OSBPL3: variants seen among roughly 807,000 people sequenced by gnomAD.
OSBPL3 encodes the protein oxysterol binding protein like 3, also known as oxysterol-binding protein-related protein 3.
In OSBPL3, 65 loss-of-function variants were observed where a neutral mutation model predicts 120.1. The observed-to-expected ratio is 0.54, with a 90% CI of 0.44 to 0.67. The LOEUF is 0.67. Among genes scored for constraint, OSBPL3 ranks in the 30% least tolerant of loss-of-function variants. The probability of loss-of-function intolerance (pLI) is 0.00; values close to 1 mark genes in which losing one functional copy is unlikely to be tolerated. For synonymous variants in OSBPL3, 416 were observed against 402.6 expected (o/e 1.03, Z -0.40); for missense variants, 1,004 against 1,082.1 (o/e 0.93, Z 1.01).
At position 24,834,903 on chromosome 7, in the gene OSBPL3, T is replaced by A. The variant is rs537830895; in HGVS notation, c.1496-167A>T. Among the ~76,000 whole-genome samples, 1 of 152,314 alleles carries A rather than the reference T, an allele frequency of 6.6e-6. No individual in the cohort carries two copies. The highest frequency in any genetic ancestry group is 1.5e-5 in the Non-Finnish European group (1 of 68,016). On this transcript the variant is annotated intron_variant, in intron 14 of 22. Transcript: ENST00000313367. This position sits in a 1 kb window ranked among gnomAD's most constrained non-coding sequence, Gnocchi z 5.2. ...AACCGGCAAAAGAATTCTGAGCAATTAAATACCAAAAATGACACACACTAA... is the reference window on the plus strand; with the variant it reads ...AACCGGCAAAAGAATTCTGAGCAATAAAATACCAAAAATGACACACACTAA...
Position 24,806,419 on chromosome 7 carries a change from G to C in OSBPL3, c.2444+357C>G, listed in dbSNP as rs905438917. On this transcript the variant is annotated intron_variant, in intron 21 of 22. Coordinates refer to ENST00000313367, the MANE Select transcript of OSBPL3 (RefSeq NM_015550.4). The surrounding 1 kb of genome is among the most constrained non-coding windows in gnomAD (Gnocchi z 5.2). ...AGCAGCAACCTAGAATCAGCAGTTA[G>C]ATCTCAGTGCACCAAAATCATTTAA... 1.3e-5 allele frequency among the ~76,000 whole-genome samples: 2 copies of C among 152,162 alleles called. No individual in the cohort carries two copies. The highest frequency in any genetic ancestry group is 4.8e-5 in the African/African-American group (2 of 41,420).
rs980199956 is a variant in OSBPL3 at position 24,918,947 on chromosome 7, A to G, written c.-149-26326T>C. 6.6e-6 allele frequency among the ~76,000 whole-genome samples: 1 copy of G among 152,216 alleles called. No individual in the cohort carries two copies. The highest frequency in any genetic ancestry group is 2.4e-5 in the African/African-American group (1 of 41,452). On this transcript the variant is annotated intron_variant, in intron 1 of 22. Coordinates refer to ENST00000313367, the MANE Select transcript of OSBPL3 (RefSeq NM_015550.4). The surrounding 1 kb of genome is among the most constrained non-coding windows in gnomAD (Gnocchi z 4.3). ...CAGGTACAATGCTAGATGCTCTTAC[A>G]TACGTCACATTATTTAATTCCCCGA...
intron 1 of OSBPL3, among the ~76,000 whole-genome samples, chr7:24,895,310 C>G (rs181358221): frequency 6.6e-6 from 1 of 152,254 alleles, no homozygotes; most frequent in East Asian, 1.9e-4. Context: ...TACACAAGTC[C>G]TTACATTGTG....
chr7:24,919,292 CTAGCA>C (rs1810092406), intron 1 of OSBPL3, among the ~76,000 whole-genome samples: 1 of 152,062 alleles, frequency 6.6e-6, no homozygotes, highest in South Asian at 2.1e-4. Flanking sequence ...ACAACGTGTC[CTAGCA>C]TAAAGACAGA....
rs1181414718 is a variant in OSBPL3, at chr7:24,881,137, A to C, written c.97-9068T>G. On this transcript the variant is annotated intron_variant, in intron 2 of 22. Coordinates refer to ENST00000313367, the MANE Select transcript of OSBPL3 (RefSeq NM_015550.4). This position sits in a 1 kb window ranked among gnomAD's most constrained non-coding sequence, Gnocchi z 4.3. The stretch of plus-strand genomic sequence containing the variant: ...TTTTTCAGAGCTAATTGAAATTTGC[A>C]ATCAAAGCAGAGATACATTCTGACT... Among the ~76,000 whole-genome samples the C allele has an allele frequency of 6.6e-6, 1 of 152,242 alleles. No homozygotes were observed. The highest frequency in any genetic ancestry group is 1.5e-5 in the Non-Finnish European group (1 of 68,044).
intron 19 of OSBPL3, among the ~76,000 whole-genome samples, chr7:24,814,618 T>C (rs1191221063): frequency 2.6e-5 from 4 of 152,196 alleles, no homozygotes; most frequent in African/African-American, 7.2e-5. Context: ...ACTGAAGTTC[T>C]ATACCCATTC....
rs114940262 is a variant in OSBPL3 at position 24,976,983 on chromosome 7, C to T, written c.-150+2903G>A. Reference sequence around the variant, plus strand: ...CCCAACTTCTCACCCTCAGTGTCAGCGTAAGAGTAGAGAGTTGAAATGTAG... The same window carrying T: ...CCCAACTTCTCACCCTCAGTGTCAGTGTAAGAGTAGAGAGTTGAAATGTAG... On this transcript the variant is annotated intron_variant, in intron 1 of 22. Coordinates refer to ENST00000313367, the MANE Select transcript of OSBPL3 (RefSeq NM_015550.4). Among the ~76,000 whole-genome samples the T allele has an allele frequency of 5.2e-3, 790 of 152,238 alleles. 8 individuals carry two copies. The highest frequency in any genetic ancestry group is 0.018 in the African/African-American group (748 of 41,526).
intron 14 of OSBPL3, among the ~76,000 whole-genome samples, chr7:24,839,696 AGGGATATCT>A (rs924215182): frequency 6.6e-6 from 1 of 152,154 alleles, no homozygotes. Context: ...AGAGTGCAAA[AGGGATATCT>A]GGCCCAGGCA....
chr7:24,829,172 T>C (rs952701151), intron 16 of OSBPL3, among the ~76,000 whole-genome samples: 1 of 152,224 alleles, frequency 6.6e-6, no homozygotes, highest in Non-Finnish European at 1.5e-5. Context: ...ATTTTTGGCC[T>C]TTATTTTTTC....
chr7:24,917,032 A>G (rs1480377661), intron 1 of OSBPL3, among the ~76,000 whole-genome samples: 1 of 152,100 alleles, frequency 6.6e-6, no homozygotes, highest in Non-Finnish European at 1.5e-5. Flanking sequence ...AATTCCCAGG[A>G]GTAGAGGGGG....
At position 24,818,910 on chromosome 7, in the gene OSBPL3, A is replaced by G. The variant is rs949563873; in HGVS notation, c.1948+1265T>C. ...GCTAAGGCTGAGAAGGGAAGGATGT[A>G]ACACAGGAGCACACAAAACTACTTT... On this transcript the variant is annotated intron_variant, in intron 17 of 22. Coordinates refer to ENST00000313367, the MANE Select transcript of OSBPL3 (RefSeq NM_015550.4). This position sits in a 1 kb window ranked among gnomAD's most constrained non-coding sequence, Gnocchi z 4.0. Among the ~76,000 whole-genome samples the G allele has an allele frequency of 3.3e-5, 5 of 152,156 alleles. No homozygotes were observed. Among genetic ancestry groups the G allele is most frequent in the Admixed American group, 2.6e-4 (4 of 15,276 alleles).
intron 2 of OSBPL3, among the ~76,000 whole-genome samples, chr7:24,889,639 A>G (rs1165810328): frequency 2.0e-5 from 3 of 152,224 alleles, no homozygotes; most frequent in Non-Finnish European, 4.4e-5. Flanking sequence ...AAGATTAAGT[A>G]TCTCCATGGA....
chr7:24,902,601 A>C (rs1807202109), intron 1 of OSBPL3, among the ~76,000 whole-genome samples: 1 of 151,190 alleles, frequency 6.6e-6, no homozygotes, highest in South Asian at 2.1e-4. Context: ...TTTTAGTTTT[A>C]CTAGATATTC....
At chr7:24,876,421 GT>G (rs11307992) in intron 2 of OSBPL3, among the ~76,000 whole-genome samples, 84,756 of 148,258 alleles carry the variant, frequency 0.57, 24,464 homozygotes, top group East Asian at 0.92. Flanking sequence ...AACTTCTAAG[GT>G]TTTTTTTTTT....
chr7:24,866,299 T>G, intron 5 of OSBPL3, 62 bp from the exon 6 acceptor site: 1 of 1,234,978 alleles, frequency 8.1e-7, no homozygotes, highest in Non-Finnish European at 1.2e-6. Flanking sequence ...GAACAATTAC[T>G]CATCAAATTG....
rs1305352348 is a variant in OSBPL3, at chr7:24,861,713, T to C, written c.927A>G (p.Ser309=). 28 of 1,612,296 alleles carry C rather than the reference T, an allele frequency of 1.7e-5. No individual in the cohort carries two copies. Among genetic ancestry groups the C allele is most frequent in the Non-Finnish European group, 2.3e-5 (27 of 1,178,836 alleles). The stretch of plus-strand genomic sequence containing the variant: ...TTTTCTCTTCTCCAAAATCTAGTGT[T>C]GACAAATTAGGATTGGAGGAGTGTA... ...VRLHSSNPNL[S]TLDFGEEKNY... The change falls in exon 10 of 23, where the codon TCA becomes TCG. Residue 309 remains serine, a synonymous_variant. Transcript: ENST00000313367.
intron 12 of OSBPL3, among the ~76,000 whole-genome samples, chr7:24,845,787 T>A (rs536756602): frequency 1.3e-5 from 2 of 152,334 alleles, no homozygotes; most frequent in South Asian, 4.1e-4. Flanking sequence ...AGTTTGAATT[T>A]TTATATTTAA....
At chr7:24,845,699 A>AT (rs570606304) in intron 12 of OSBPL3, among the ~76,000 whole-genome samples, 1 of 150,470 alleles carries the variant, frequency 6.6e-6, no homozygotes, top group African/African-American at 2.4e-5. Flanking sequence ...TCCTTTTGCA[A>AT]TTTTTTTCTA....
At chr7:24,924,504 C>T (rs1341156379) in intron 1 of OSBPL3, among the ~76,000 whole-genome samples, 1 of 152,244 alleles carries the variant, frequency 6.6e-6, no homozygotes, top group Non-Finnish European at 1.5e-5. Flanking sequence ...GATTCCTACA[C>T]AGAACTGGTT....
Sources: allele counts gnomAD v4.1 joint callset (sites outside exome capture counted in the v4.1 genomes callset), GRCh38; gene constraint gnomAD v4.1.1; non-coding constraint Gnocchi (gnomAD v3.1); transcripts MANE v1.5; gene names NCBI Gene and HGNC (gene_info 2026-07-23, HGNC 2026-07-21).